The following NOL4 variants were observed in gnomAD, a reference collection of about 807,000 sequenced individuals.
NOL4 encodes the protein cancer/testis antigen 125.
Under a neutral mutation model 75.9 loss-of-function variants are expected in NOL4, and 17 were observed. The observed-to-expected ratio is 0.22, with a 90% CI of 0.15 to 0.34. NOL4 has a LOEUF of 0.34. NOL4 is among the 10% of genes least tolerant of loss of function. The pLI, the probability that NOL4 is intolerant of heterozygous loss-of-function variation, is 1.00. For synonymous variants in NOL4, 292 were observed against 289.9 expected, an observed-to-expected ratio of 1.01 and a Z score of -0.07; for missense variants, 614 against 793.5, an observed-to-expected ratio of 0.77 and a Z score of 2.72.
chr18:34,187,833 A>C (rs1372536770), intron 1 of NOL4, among the ~76,000 whole-genome samples: 1 of 152,206 alleles, frequency 6.6e-6, no homozygotes, highest in Non-Finnish European at 1.5e-5. Context: ...TATGTTTTTC[A>C]ACTCACTTGT....
chr18:34,120,875 A>G (rs538592467), intron 2 of NOL4, among the ~76,000 whole-genome samples: 1 of 152,206 alleles, frequency 6.6e-6, no homozygotes, highest in Non-Finnish European at 1.5e-5. Flanking sequence ...ATTTGGTACT[A>G]TATCAGTATA....
chr18:34,072,241 A>G (rs1178572898), intron 5 of NOL4, among the ~76,000 whole-genome samples: 2 of 152,236 alleles, frequency 1.3e-5, no homozygotes, highest in Non-Finnish European at 2.9e-5. Flanking sequence ...CAAACAAACA[A>G]AAAAAGATAA....
intron 5 of NOL4, among the ~76,000 whole-genome samples, chr18:34,092,564 G>T (rs2078576394): frequency 6.6e-6 from 1 of 152,144 alleles, no homozygotes; most frequent in Non-Finnish European, 1.5e-5. Flanking sequence ...CAACCAGTTT[G>T]TAATAGCAAC....
intron 2 of NOL4, among the ~76,000 whole-genome samples, chr18:34,123,372 G>A (rs1372990812): frequency 6.6e-6 from 1 of 151,360 alleles, no homozygotes; most frequent in Admixed American, 6.6e-5. Flanking sequence ...ATAATATTCA[G>A]TAGCTGTAGC....
chr18:34,187,304 A>AT (rs1445925137), intron 1 of NOL4, among the ~76,000 whole-genome samples: 4 of 136,484 alleles, frequency 2.9e-5, no homozygotes, highest in Admixed American at 7.2e-5. Context: ...TTCAGATTGG[A>AT]TTTTTTCACT....
At chr18:34,181,870 T>C (rs1018613636) in intron 1 of NOL4, among the ~76,000 whole-genome samples, 2 of 151,582 alleles carry the variant, frequency 1.3e-5, no homozygotes, top group African/African-American at 4.8e-5. Flanking sequence ...TCACATCCAT[T>C]AGGATGGCTG....
chr18:33,860,912 T>C (rs545434636), intron 10 of NOL4, among the ~76,000 whole-genome samples: 2,986 of 152,268 alleles, frequency 0.02, 89 homozygotes, highest in African/African-American at 0.069. Flanking sequence ...TTGTCTTTGG[T>C]TCTGTTTATA....
chr18:33,936,600 C>A (rs1360060542), intron 9 of NOL4, among the ~76,000 whole-genome samples: 1 of 152,070 alleles, frequency 6.6e-6, no homozygotes, highest in Non-Finnish European at 1.5e-5. Context: ...TTAGCTACTG[C>A]AAAATCTGTC....
chr18:33,917,643 T>C (rs1035926068), intron 9 of NOL4, among the ~76,000 whole-genome samples: 19 of 151,958 alleles, frequency 1.3e-4, no homozygotes, highest in African/African-American at 3.9e-4. Flanking sequence ...TACAGGTGGG[T>C]GCTACTACAC....
chr18:34,114,878 A>C (rs1387210853), intron 2 of NOL4, among the ~76,000 whole-genome samples: 6 of 152,230 alleles, frequency 3.9e-5, no homozygotes, highest in Non-Finnish European at 7.3e-5. Flanking sequence ...AGACAAAAAA[A>C]AAAAATTTCA....
chr18:34,174,132 C>T (rs2033315220), intron 1 of NOL4, among the ~76,000 whole-genome samples: 2 of 152,136 alleles, frequency 1.3e-5, no homozygotes, highest in Non-Finnish European at 2.9e-5. Context: ...TTACATCATT[C>T]AATGAGTAGT....
intron 1 of NOL4, among the ~76,000 whole-genome samples, chr18:34,138,777 A>G (rs965090156): frequency 6.6e-6 from 1 of 152,126 alleles, no homozygotes; most frequent in African/African-American, 2.4e-5. Context: ...GAATACTTCC[A>G]GTTTTTGCCC....
At chr18:33,942,407 C>T (rs2068550120) in intron 9 of NOL4, among the ~76,000 whole-genome samples, 1 of 151,640 alleles carries the variant, frequency 6.6e-6, no homozygotes, top group South Asian at 2.1e-4. Context: ...CAGAAATATA[C>T]AGATAACCCA....
chr18:33,926,358 C>CAA lies in NOL4; in HGVS notation c.1542+16705_1542+16706dup, dbSNP rs67803985. Among the ~76,000 whole-genome samples, 315 of 46,554 alleles carry CAA rather than the reference C, an allele frequency of 6.8e-3. 21 individuals are homozygous for CAA. Among genetic ancestry groups the CAA allele is most frequent in the African/African-American group, 0.023 (258 of 11,354 alleles). The allele number at this position is 46,554 out of a possible 152,430, so 30.5% of individuals were successfully genotyped here. On this transcript the variant is annotated intron_variant, in intron 9 of 10. Transcript: ENST00000261592. ...ATGGCGACAGAGGAAGACTCCATCT[C>CAA]AAAAAAAAAAAAAAAAAAAAAAAAA... is the stretch of plus-strand genomic sequence containing the variant.
At position 34,105,178 on chromosome 18, in the gene NOL4, A is replaced by T; in HGVS notation, c.415-18T>A. ...TCTGAAATCTGAAATGATTCACAAAATACAGGTGTTATTATATAAGCTCAC... is the reference window on the plus strand; with the variant it reads ...TCTGAAATCTGAAATGATTCACAAATTACAGGTGTTATTATATAAGCTCAC... On this transcript the variant is annotated intron_variant, in intron 2 of 10. Transcript: ENST00000261592. 2.0e-6 allele frequency: 3 copies of T among 1,470,148 alleles called. No individual in the cohort carries two copies. Among genetic ancestry groups the T allele is most frequent in the Non-Finnish European group, 1.9e-6 (2 of 1,049,696 alleles). 91.1% of individuals were successfully genotyped at this position (1,470,148 alleles called of 1,614,324 possible).
At chr18:34,089,921 T>G (rs2078429272) in intron 5 of NOL4, among the ~76,000 whole-genome samples, 1 of 152,084 alleles carries the variant, frequency 6.6e-6, no homozygotes, top group Non-Finnish European at 1.5e-5. Context: ...TGCCTTTTTT[T>G]TTCTTACTGT....
At chr18:34,214,361 T>C (rs1002247073) in intron 1 of NOL4, among the ~76,000 whole-genome samples, 1 of 152,130 alleles carries the variant, frequency 6.6e-6, no homozygotes, top group African/African-American at 2.4e-5. Context: ...ATGTAGTTTA[T>C]AAAAGTGTAT....
At chr18:33,864,689 CT>C (rs1599669143) in intron 10 of NOL4, among the ~76,000 whole-genome samples, 1 of 152,138 alleles carries the variant, frequency 6.6e-6, no homozygotes, top group Non-Finnish European at 1.5e-5. Flanking sequence ...CAGTTTCCCC[CT>C]GTCTATGGTA....
Position 34,130,010 on chromosome 18 carries a change from C to A in NOL4, c.275G>T (p.Gly92Val). The A allele has an allele frequency of 6.4e-7, 1 of 1,560,872 alleles. No homozygotes were observed. The highest frequency in any genetic ancestry group is 8.7e-7 in the Non-Finnish European group (1 of 1,154,910). Residue 92 changes from glycine (G) to valine (V), a missense_variant, in exon 2 of 11, where the codon GGG becomes GTG. Gly to Val is a moderately radical substitution (Grantham distance 109, BLOSUM62 -3). Around this residue, in one of 9 missense-constraint regions of NOL4, gnomAD observed 49 missense variants for 39.6 expected, o/e 1.24. Transcript: ENST00000261592. ...YVPVKTTDGVGVDEKLSLRRV... is the reference protein window; with the variant it reads ...YVPVKTTDGVVVDEKLSLRRV... Reference sequence around the variant, plus strand: ...TCGTAAAGATAGCTTCTCATCTACCCCTACGCCATCCTGGAAACAAAACAA... The same window carrying A: ...TCGTAAAGATAGCTTCTCATCTACCACTACGCCATCCTGGAAACAAAACAA...
Sources: gnomAD v4.1 joint callset for allele counts (sites outside exome capture counted in the v4.1 genomes callset) on GRCh38, gnomAD v4.1.1 for gene constraint, gnomAD v4.1.1 regional missense constraint, MANE v1.5 for transcripts, NCBI Gene and HGNC (gene_info 2026-07-23, HGNC 2026-07-21) for gene names.